MBTPS1: variants seen among roughly 807,000 people sequenced by gnomAD.
The protein encoded by MBTPS1 is membrane bound transcription factor peptidase, site 1, also known as membrane-bound transcription factor site-1 protease.
MBTPS1 carries 94 observed loss-of-function variants against 127.8 expected under a neutral mutation model. That is an observed-to-expected ratio of 0.74 (90% CI 0.62 to 0.87). The LOEUF (loss-of-function observed/expected upper bound fraction) is 0.87. Among genes scored for constraint, MBTPS1 ranks in the 40% least tolerant of loss-of-function variants. MBTPS1 has a pLI of 0.00. For missense variants in MBTPS1, 1,636 were observed against 1,353.2 expected (o/e 1.21, Z -3.28); for synonymous variants, 632 against 509.4 (o/e 1.24, Z -3.24).
At chr16:84,096,296 A>G (rs1464282352) in intron 3 of MBTPS1, among the ~76,000 whole-genome samples, 2 of 152,222 alleles carry the variant, frequency 1.3e-5, no homozygotes, top group African/African-American at 4.8e-5. Context: ...CAATATTCTC[A>G]ATATTCTTAT....
intron 1 of MBTPS1, among the ~76,000 whole-genome samples, chr16:84,116,502 G>C (rs1213579670): frequency 6.6e-6 from 1 of 152,238 alleles, no homozygotes; most frequent in Non-Finnish European, 1.5e-5. Flanking sequence ...TTCACGTAAA[G>C]AAAACCAGGC....
rs1421739393 is a variant in MBTPS1 at position 84,099,265 on chromosome 16, T to G, written c.209A>C (p.Asn70Thr). 1 of 1,614,188 alleles carries G rather than the reference T, an allele frequency of 6.2e-7. No homozygotes were observed. The highest frequency in any genetic ancestry group is 2.2e-5 in the East Asian group (1 of 44,892). Residue 70 changes from asparagine (N) to threonine (T), a missense_variant, in exon 3 of 23, where the codon AAT becomes ACT. Physicochemically the swap from Asn to Thr is moderately conservative, Grantham distance 65. Transcript: ENST00000343411. ...FNGYFTAKAR[N>T]SFISSALKSS... is the part of the protein sequence containing the mutation. ...CTTCAGGGCACTTGAAATAAATGAA[T>G]TTCTAGCTTTGGCTGTAAAGTATCC... is the stretch of plus-strand genomic sequence containing the variant.
chr16:84,059,431 G>A lies in MBTPS1; in HGVS notation c.2705-3C>T, dbSNP rs1233933173. On this transcript the variant is annotated splice_polypyrimidine_tract_variant and splice_region_variant and intron_variant, in intron 20 of 22. Coordinates refer to ENST00000343411, the MANE Select transcript of MBTPS1 (RefSeq NM_003791.4). ...GGAGTACCGATGAAGATGGTTTCCT[G>A]TGGTTAGCAGCAACATCAACAAAAA... The A allele has an allele frequency of 6.2e-7, 1 of 1,603,480 alleles. No individual in the cohort carries two copies. Among genetic ancestry groups the A allele is most frequent in the East Asian group, 2.2e-5 (1 of 44,730 alleles).
Position 84,095,783 on chromosome 16 carries a change from A to G in MBTPS1, c.444T>C (p.Asn148=). 6.2e-7 allele frequency: 1 copy of G among 1,613,922 alleles called. No homozygotes were observed. Among genetic ancestry groups the G allele is most frequent in the South Asian group, 1.1e-5 (1 of 91,086 alleles). The change falls in exon 4 of 23, where the codon AAT becomes AAC. Residue 148 remains asparagine (N), a synonymous_variant. Transcript: ENST00000343411. The part of the protein sequence containing the change: ...YAESDPTVPC[N]ETRWSQKWQS... ...GCCACTTCTGGCTCCACCGGGTTTCATTGCAGGGTACTGTGGGGTCAGCTA... is the reference window on the plus strand; with the variant it reads ...GCCACTTCTGGCTCCACCGGGTTTCGTTGCAGGGTACTGTGGGGTCAGCTA...
chr16:84,090,997 G>A (rs8045891), intron 7 of MBTPS1, 55 bp from the exon 8 acceptor site: 409,911 of 913,090 alleles, frequency 0.45, 93,262 homozygotes, highest in East Asian at 0.51. Context: ...ACATATAACT[G>A]TCAAAAAAAA....
intron 1 of MBTPS1, among the ~76,000 whole-genome samples, chr16:84,109,822 A>C (rs779671207): frequency 3.9e-5 from 6 of 152,248 alleles, no homozygotes; most frequent in Non-Finnish European, 8.8e-5. Context: ...CCCGTGGATC[A>C]GATGGTAGTG....
At chr16:84,070,539 G>A in intron 13 of MBTPS1, 49 bp downstream of exon 13, 7 of 1,585,334 alleles carry the variant, frequency 4.4e-6, no homozygotes, top group Non-Finnish European at 6.0e-6. Flanking sequence ...TCCCTGAAAG[G>A]TGATGTCAAA....
intron 12 of MBTPS1, 105 bp downstream of exon 12, chr16:84,074,492 G>C (rs773336696): frequency 8.2e-7 from 1 of 1,221,224 alleles, no homozygotes; most frequent in Non-Finnish European, 1.2e-6. Context: ...CCTCGGCCTA[G>C]AACTTTTCCT....
chr16:84,104,766 G>T (rs974328975), intron 1 of MBTPS1, among the ~76,000 whole-genome samples: 2 of 152,044 alleles, frequency 1.3e-5, no homozygotes, highest in Non-Finnish European at 2.9e-5. Context: ...AGGATTTGGC[G>T]GTTTTCAAAT....
Position 84,081,791 on chromosome 16 carries a change from C to T in MBTPS1, c.1404G>A (p.Leu468=). The part of the protein sequence containing the change: ...MFEQGHGKLD[L]LRAYQILNSY... Reference sequence around the variant, plus strand: ...TGTTGAGGATCTGATAGGCTCTGAGCAGATCGAGCTTGCCGTGGCCTTGCT... The same window carrying T: ...TGTTGAGGATCTGATAGGCTCTGAGTAGATCGAGCTTGCCGTGGCCTTGCT... The change falls in exon 11 of 23, where the codon CTG becomes CTA. Residue 468 remains leucine (L), a synonymous_variant. Transcript: ENST00000343411. 4 of 1,515,804 alleles carry T rather than the reference C, an allele frequency of 2.6e-6. No homozygotes were observed. The highest frequency in any genetic ancestry group is 1.4e-5 in the African/African-American group (1 of 70,948). The allele number at this position is 1,515,804 out of a possible 1,614,324, so 93.9% of individuals were successfully genotyped here. A position where few individuals can be genotyped will look rare whatever the true frequency, so the allele number is the denominator to read the frequency against.
intron 16 of MBTPS1, 32 bp downstream of exon 16, chr16:84,067,635 C>CACATTTTT: frequency 2.6e-6 from 4 of 1,547,972 alleles, no homozygotes; most frequent in Non-Finnish European, 3.5e-6. Flanking sequence ...CCCCAAAAGT[C>CACATTTTT]TTATCCAAAT....
chr16:84,076,754 C>T (rs1157587711), intron 11 of MBTPS1, among the ~76,000 whole-genome samples: 1 of 152,132 alleles, frequency 6.6e-6, no homozygotes, highest in Non-Finnish European at 1.5e-5. Flanking sequence ...CTGGAAGACA[C>T]ACAAGAGCAA....
At position 84,065,719 on chromosome 16, in the gene MBTPS1, A is replaced by G; in HGVS notation, c.2402T>C (p.Val801Ala). 3.7e-6 allele frequency: 6 copies of G among 1,612,482 alleles called. No individual in the cohort carries two copies. The highest frequency in any genetic ancestry group is 5.1e-6 in the Non-Finnish European group (6 of 1,179,534). The change falls in exon 18 of 23, where the codon GTC becomes GCC. Residue 801 changes from valine to alanine, a missense_variant. Transcript: ENST00000343411. Reference sequence around the variant, plus strand: ...GTCCTTGAAAGTCTGTGTTATCACGACGCCATCTTCTGGAAACTTCGCGAT... The same window carrying G: ...GTCCTTGAAAGTCTGTGTTATCACGGCGCCATCTTCTGGAAACTTCGCGAT... Reference protein sequence around the residue: ...CSIAKFPEDGVVITQTFKDQG... With the variant: ...CSIAKFPEDGAVITQTFKDQG...
At chr16:84,086,781 C>T (rs2086034168) in intron 9 of MBTPS1, among the ~76,000 whole-genome samples, 1 of 152,200 alleles carries the variant, frequency 6.6e-6, no homozygotes. Context: ...TGCTGTTCTG[C>T]ACGAGCGTCT....
rs2086112713 is a variant in MBTPS1, at chr16:84,091,799, T to C, written c.896A>G (p.Lys299Arg). The C allele has an allele frequency of 6.2e-7, 1 of 1,614,186 alleles. No homozygotes were observed. The highest frequency in any genetic ancestry group is 8.5e-7 in the Non-Finnish European group (1 of 1,179,996). ...FLDAFNYAIL[K>R]KIDVLNLSIG... The stretch of plus-strand genomic sequence containing the variant: ...GCTGAGGTTTAACACGTCGATCTTC[T>C]TTAAAATGGCATAGTTGAAGGCGTC... Residue 299 changes from lysine to arginine, a missense_variant, in exon 7 of 23, where the codon AAG becomes AGG. By Grantham distance (26) the Lys-to-Arg change is conservative (BLOSUM62 2). Transcript: ENST00000343411.
At chr16:84,070,936 C>G (rs978943168) in intron 12 of MBTPS1, among the ~76,000 whole-genome samples, 160 bp from the exon 13 acceptor site, 2 of 152,190 alleles carry the variant, frequency 1.3e-5, no homozygotes, top group African/African-American at 4.8e-5. Context: ...TAACTACAAC[C>G]AAAGTAGCCT....
rs770121193 is a variant in MBTPS1 at position 84,070,057 on chromosome 16, A to G, written c.1783-19T>C. 6 of 1,554,438 alleles carry G rather than the reference A, an allele frequency of 3.9e-6. No individual in the cohort carries two copies. The highest frequency in any genetic ancestry group is 5.2e-6 in the Non-Finnish European group (6 of 1,156,892). ...TTTTTGACTAAAAAAAAAGAAAAGAAACTTGAAACGCCCTCATTGTGCAGA... is the reference window on the plus strand; with the variant it reads ...TTTTTGACTAAAAAAAAAGAAAAGAGACTTGAAACGCCCTCATTGTGCAGA... On this transcript the variant is annotated intron_variant, in intron 13 of 22. Coordinates refer to ENST00000343411, the MANE Select transcript of MBTPS1 (RefSeq NM_003791.4).
intron 8 of MBTPS1, among the ~76,000 whole-genome samples, chr16:84,089,589 C>T (rs1337837840): frequency 6.6e-6 from 1 of 152,248 alleles, no homozygotes; most frequent in Non-Finnish European, 1.5e-5. Flanking sequence ...TCATGGTGCT[C>T]TCCCCCTGCT....
chr16:84,081,925 G>A lies in MBTPS1; in HGVS notation c.1287-17C>T. The A allele has an allele frequency of 7.4e-7, 1 of 1,356,846 alleles. No homozygotes were observed. Among genetic ancestry groups the A allele is most frequent in the South Asian group, 2.1e-5 (1 of 47,154 alleles). The allele number at this position is 1,356,846 out of a possible 1,614,324, so 84.1% of individuals were successfully genotyped here. ...TGGACTGTGCTGGAGGAAAAATCAA[G>A]AATTGCCTATTTTCTCTCAGTAAAA... On this transcript the variant is annotated splice_polypyrimidine_tract_variant and intron_variant, in intron 10 of 22. Transcript: ENST00000343411.
Sources: gnomAD v4.1 joint callset for allele counts (sites outside exome capture counted in the v4.1 genomes callset) on GRCh38, gnomAD v4.1.1 for gene constraint, MANE v1.5 for transcripts, NCBI Gene and HGNC (gene_info 2026-07-23, HGNC 2026-07-21) for gene names.